The following MDGA2 variants were observed in gnomAD, a reference collection of about 807,000 sequenced individuals.
MDGA2 encodes the protein MAM domain containing glycosylphosphatidylinositol anchor 2.
In MDGA2, 40 loss-of-function variants were observed where a neutral mutation model predicts 117.8. The observed-to-expected ratio is 0.34, with a 90% confidence interval of 0.26 to 0.44. MDGA2 has a LOEUF of 0.44. Ranked by LOEUF, MDGA2 falls within the 20% of genes least tolerant of loss-of-function variation. MDGA2 has a pLI of 1.00. For missense variants in MDGA2, 1,123 were observed against 1,250.6 expected (o/e 0.90, Z 1.54); for synonymous variants, 452 against 439.0 (o/e 1.03, Z -0.37).
chr14:47,024,425 G>A (rs938600909), intron 8 of MDGA2, among the ~76,000 whole-genome samples: 2 of 152,172 alleles, frequency 1.3e-5, no homozygotes, highest in Admixed American at 6.5e-5. Flanking sequence ...ACATCTGATC[G>A]CTTCTGTCAT....
intron 2 of MDGA2, chr14:47,299,315 ACCT>A (rs1889196661): frequency 1.3e-5 from 2 of 152,204 alleles, no homozygotes; most frequent in Non-Finnish European, 2.9e-5. Context: ...GCAGAGCAAC[ACCT>A]GGGGTATGTT....
intron 1 of MDGA2, among the ~76,000 whole-genome samples, chr14:47,481,794 T>C (rs1258174316): frequency 6.6e-6 from 1 of 152,028 alleles, no homozygotes; most frequent in African/African-American, 2.4e-5. Context: ...TATTTCTCCA[T>C]TGGTGAAAAT....
chr14:47,018,188 T>C (rs1888152950), intron 8 of MDGA2, among the ~76,000 whole-genome samples: 1 of 152,062 alleles, frequency 6.6e-6, no homozygotes, highest in Non-Finnish European at 1.5e-5. Flanking sequence ...AACGCCTTTA[T>C]TAGTCCATTA....
chr14:47,388,739 G>C (rs1181370851), intron 1 of MDGA2, among the ~76,000 whole-genome samples: 1 of 152,116 alleles, frequency 6.6e-6, no homozygotes, highest in African/African-American at 2.4e-5. Context: ...AGAGAAAAAG[G>C]GGAAAGTGAT....
intron 10 of MDGA2, among the ~76,000 whole-genome samples, chr14:46,893,182 T>C (rs1882947054): frequency 6.6e-6 from 1 of 152,014 alleles, no homozygotes; most frequent in South Asian, 2.1e-4. Flanking sequence ...AACAAGGTAC[T>C]GCTATTTGCA....
chr14:46,944,968 C>G (rs765611829), intron 9 of MDGA2, among the ~76,000 whole-genome samples: 30 of 151,960 alleles, frequency 2.0e-4, no homozygotes, highest in Non-Finnish European at 7.4e-5. Context: ...TAATAAACTA[C>G]TATTATTCTG....
chr14:46,937,217 C>A (rs901126129), intron 9 of MDGA2, among the ~76,000 whole-genome samples: 6 of 149,868 alleles, frequency 4.0e-5, no homozygotes, highest in African/African-American at 9.8e-5. Flanking sequence ...CCCCGACACC[C>A]CCCCCAACAC....
At chr14:47,611,578 T>C (rs1340134591) in intron 1 of MDGA2, among the ~76,000 whole-genome samples, 3 of 151,990 alleles carry the variant, frequency 2.0e-5, no homozygotes, top group East Asian at 1.9e-4. Flanking sequence ...AAAGAAGATA[T>C]ACAAATGGCC....
chr14:47,539,766 C>T (rs1242322548), intron 1 of MDGA2, among the ~76,000 whole-genome samples: 1 of 152,140 alleles, frequency 6.6e-6, no homozygotes, highest in African/African-American at 2.4e-5. Context: ...TCTTTACAGC[C>T]TAATATTTAC....
At chr14:47,263,021 TGA>T (rs1887848786) in intron 2 of MDGA2, among the ~76,000 whole-genome samples, 1 of 152,062 alleles carries the variant, frequency 6.6e-6, no homozygotes, top group East Asian at 1.9e-4. Flanking sequence ...TTGCAAAGTG[TGA>T]GTTTTAGGGC....
intron 1 of MDGA2, among the ~76,000 whole-genome samples, chr14:47,645,359 G>A (rs1227284582): frequency 6.6e-6 from 1 of 151,458 alleles, no homozygotes; most frequent in Non-Finnish European, 1.5e-5. Context: ...TTCTCCTCCC[G>A]AGTAGCTGGG....
intron 1 of MDGA2, among the ~76,000 whole-genome samples, chr14:47,612,308 C>A (rs1487274689): frequency 3.3e-5 from 5 of 152,080 alleles, no homozygotes; most frequent in African/African-American, 1.2e-4. Flanking sequence ...TGACACCCCA[C>A]AGTCACAGTA....
chr14:46,972,352 C>A (rs1458037445), intron 8 of MDGA2, among the ~76,000 whole-genome samples: 1 of 152,004 alleles, frequency 6.6e-6, no homozygotes, highest in African/African-American at 2.4e-5. Context: ...CAGTAGAGAA[C>A]TATATGGAAA....
intron 1 of MDGA2, among the ~76,000 whole-genome samples, chr14:47,670,537 TA>T (rs1898055311): frequency 6.6e-6 from 1 of 152,180 alleles, no homozygotes; most frequent in Non-Finnish European, 1.5e-5. Context: ...AATGACTTAC[TA>T]CCATACAATG....
At chr14:47,377,069 T>C (rs1891495053) in intron 1 of MDGA2, among the ~76,000 whole-genome samples, 1 of 152,128 alleles carries the variant, frequency 6.6e-6, no homozygotes, top group Non-Finnish European at 1.5e-5. Context: ...AAATTAACAT[T>C]AAAAAGCTGT....
intron 15 of MDGA2, 60 bp from the exon 16 acceptor site, chr14:46,845,931 T>G: frequency 8.1e-7 from 1 of 1,236,408 alleles, no homozygotes; most frequent in Non-Finnish European, 1.2e-6. Context: ...TCAGTTTCTC[T>G]TGAGAAATCA....
chr14:47,648,725 T>A (rs1897583266), intron 1 of MDGA2, among the ~76,000 whole-genome samples: 2 of 150,880 alleles, frequency 1.3e-5, no homozygotes, highest in South Asian at 4.4e-4. Flanking sequence ...CACCCAATGT[T>A]CTCTGCAGAA....
chr14:47,107,359 C>A (rs2139036727), intron 5 of MDGA2, among the ~76,000 whole-genome samples: 1 of 152,148 alleles, frequency 6.6e-6, no homozygotes. Flanking sequence ...GCCTATAAAC[C>A]CCGTGGTGCC....
intron 1 of MDGA2, among the ~76,000 whole-genome samples, chr14:47,411,733 C>G (rs1892376059): frequency 6.6e-6 from 1 of 152,164 alleles, no homozygotes; most frequent in African/African-American, 2.4e-5. Flanking sequence ...TCACAGCCAT[C>G]TGCTCTACTG....
Sources: gnomAD v4.1 joint callset for allele counts (sites outside exome capture counted in the v4.1 genomes callset) on GRCh38, gnomAD v4.1.1 for gene constraint, MANE v1.5 for transcripts, NCBI Gene and HGNC (gene_info 2026-07-23, HGNC 2026-07-21) for gene names.